The following COL17A1 variants were observed in gnomAD, a reference collection of about 807,000 sequenced individuals.
The protein encoded by COL17A1 is collagen type XVII alpha 1 chain.
A neutral mutation model predicts 218.4 loss-of-function variants in COL17A1; 181 were observed. That is an observed-to-expected ratio of 0.83 (90% CI 0.73 to 0.94). The LOEUF is 0.94. Ranked by LOEUF, COL17A1 falls within the 40% of genes least tolerant of loss-of-function variation. The pLI, the probability that COL17A1 is intolerant of heterozygous loss-of-function variation, is 0.00. For synonymous variants in COL17A1, 721 were observed against 731.0 expected (o/e 0.99, Z 0.22); for missense variants, 1,924 against 1,945.9 (o/e 0.99, Z 0.21).
chr10:104,042,587 G>T, intron 35 of COL17A1, 132 bp from the exon 36 acceptor site: 1 of 867,034 alleles, frequency 1.2e-6, no homozygotes, highest in Non-Finnish European at 1.9e-6. Flanking sequence ...AGAGCAATAA[G>T]CAATTCGAGA....
Position 104,054,105 on chromosome 10 carries a change from G to A in COL17A1, c.1758C>T (p.Phe586=). ...GSPGPKGDRG[F]PGTPGIPGPL... is the part of the protein sequence containing the mutation. ...GAGAGTACATACCTGGAGTCCCAGG[G>A]AACCCTCGATCTCCTGCAGGAACAA... Residue 586 remains phenylalanine, a synonymous_variant, in exon 21 of 56, where the codon TTC becomes TTT. Transcript: ENST00000648076. 2 of 1,610,842 alleles carry A rather than the reference G, an allele frequency of 1.2e-6. No individual in the cohort carries two copies. The highest frequency in any genetic ancestry group is 1.7e-6 in the Non-Finnish European group (2 of 1,178,538).
Position 104,055,906 on chromosome 10 carries a change from C to T in COL17A1, c.1563G>A (p.Lys521=), listed in dbSNP as rs1340357342. Residue 521 remains lysine (K), a synonymous_variant, in exon 18 of 56, where the codon AAG becomes AAA. Transcript: ENST00000648076. Reference sequence around the variant, plus strand: ...CGGGTGCCATGCCCTGGAGGCGGTCCTTTTCTATTCTATCCATGCTGTCCC... The same window carrying T: ...CGGGTGCCATGCCCTGGAGGCGGTCTTTTTCTATTCTATCCATGCTGTCCC... ...PYGDSMDRIE[K]DRLQGMAPAA... is the part of the protein sequence containing the mutation. 1 of 1,614,086 alleles carries T rather than the reference C, an allele frequency of 6.2e-7. No individual in the cohort carries two copies. The highest frequency in any genetic ancestry group is 2.2e-5 in the East Asian group (1 of 44,892).
At chr10:104,053,283 AC>A (rs2086488820) in intron 22 of COL17A1, 148 bp from the exon 23 acceptor site, 1 of 860,156 alleles carries the variant, frequency 1.2e-6, no homozygotes, top group Non-Finnish European at 1.9e-6. Flanking sequence ...CCTTGGCTCA[AC>A]CTGGAAGCCA....
intron 51 of COL17A1, 24 bp from the exon 52 acceptor site, chr10:104,034,358 G>A (rs1052194032): frequency 3.2e-6 from 5 of 1,539,584 alleles, no homozygotes; most frequent in Non-Finnish European, 4.4e-6. Flanking sequence ...AGCTGCATGA[G>A]TGGGAGCTCA....
intron 5 of COL17A1, among the ~76,000 whole-genome samples, chr10:104,075,830 A>C (rs2086705420): frequency 6.6e-6 from 1 of 152,182 alleles, no homozygotes; most frequent in African/African-American, 2.4e-5. Flanking sequence ...CCATCTCTCC[A>C]TCTTTGGGTA....
At chr10:104,050,592 T>A in intron 27 of COL17A1, 29 bp downstream of exon 27, 1 of 1,612,532 alleles carries the variant, frequency 6.2e-7, no homozygotes, top group Non-Finnish European at 8.5e-7. Context: ...CAGGCCCTGG[T>A]AATGACAGAG....
At chr10:104,033,106 A>G in intron 53 of COL17A1, 132 bp downstream of exon 53, 2 of 1,513,952 alleles carry the variant, frequency 1.3e-6, no homozygotes, top group East Asian at 2.4e-5. Flanking sequence ...CAGAATTTAT[A>G]GAATTTGTCT....
chr10:104,083,029 T>C (rs2086778344), intron 1 of COL17A1, among the ~76,000 whole-genome samples: 1 of 152,238 alleles, frequency 6.6e-6, no homozygotes, highest in South Asian at 2.1e-4. Context: ...AATGTCTGTG[T>C]GTTCCACAGC....
At chr10:104,070,312 C>T in intron 9 of COL17A1, 114 bp downstream of exon 9, 1 of 1,551,822 alleles carries the variant, frequency 6.4e-7, no homozygotes, top group Non-Finnish European at 8.7e-7. Flanking sequence ...ATTTGGTGGG[C>T]CCCAATTTCA....
Position 104,041,064 on chromosome 10 carries a change from C to A in COL17A1, c.2701+1G>T, listed in dbSNP as rs1442334401. 1 of 1,614,162 alleles carries A rather than the reference C, an allele frequency of 6.2e-7. No individual in the cohort carries two copies. The highest frequency in any genetic ancestry group is 2.2e-5 in the East Asian group (1 of 44,884). On this transcript the variant is annotated splice_donor_variant, in intron 39 of 55. Coordinates refer to ENST00000648076, the MANE Select transcript of COL17A1 (RefSeq NM_000494.4). LOFTEE classifies it high-confidence loss of function. ...GGTGCGACTTGACTCCCTGACATTA[C>A]CTGAGTTGGACAGGAACGATCCTGG...
intron 19 of COL17A1, 50 bp from the exon 20 acceptor site, chr10:104,055,057 G>T (rs1194140594): frequency 3.1e-6 from 5 of 1,612,518 alleles, no homozygotes; most frequent in Non-Finnish European, 4.2e-6. Context: ...GAACCCAAAG[G>T]CCATACTCTG....
Position 104,037,082 on chromosome 10 carries a change from G to A in COL17A1, c.3240C>T (p.Ser1080=), listed in dbSNP as rs1351687010. Residue 1080 remains serine (S), a synonymous_variant, in exon 47 of 56, where the codon TCC becomes TCT. Transcript: ENST00000648076. ...TSGYGVSLFS[S]SISSEDILAV... Reference sequence around the variant, plus strand: ...CCAGAATGTCTTCAGAAGAGATGGAGGACGAGAACAAGCTGACACCGTACC... The same window carrying A: ...CCAGAATGTCTTCAGAAGAGATGGAAGACGAGAACAAGCTGACACCGTACC... The A allele has an allele frequency of 6.2e-7, 1 of 1,608,034 alleles. No individual in the cohort carries two copies.
At chr10:104,042,006 G>A (rs576510894) in intron 36 of COL17A1, among the ~76,000 whole-genome samples, 116 of 152,298 alleles carry the variant, frequency 7.6e-4, no homozygotes, top group African/African-American at 2.6e-3. Context: ...GCGCTGGACC[G>A]GGTGGGCTGA....
At chr10:104,049,150 G>A (rs1226134382) in intron 29 of COL17A1, among the ~76,000 whole-genome samples, 1 of 152,148 alleles carries the variant, frequency 6.6e-6, no homozygotes, top group Non-Finnish European at 1.5e-5. Context: ...GGAGTGGGGA[G>A]CTCACAGGCA....
chr10:104,033,955 C>G lies in COL17A1; in HGVS notation c.4146G>C (p.Glu1382Asp), dbSNP rs1207523196. 16 of 1,614,198 alleles carry G rather than the reference C, an allele frequency of 9.9e-6. No individual in the cohort carries two copies. In the East Asian group the frequency reaches 1.3e-4, roughly 13 times the overall value. The change falls in exon 52 of 56, where the codon GAG (glutamate) becomes GAC (aspartate). Residue 1382 changes from glutamate to aspartate, a missense_variant. Coordinates refer to ENST00000648076, the MANE Select transcript of COL17A1 (RefSeq NM_000494.4). Reference sequence around the variant, plus strand: ...AATGTCCCCACTTACGCTGCATGCTCTCTGACACCCTCACAGCCAGCTCAT... The same window carrying G: ...AATGTCCCCACTTACGCTGCATGCTGTCTGACACCCTCACAGCCAGCTCAT... ...DYNELAVRVS[E>D]SMQRQGLLQG...
intron 29 of COL17A1, 185 bp from the exon 30 acceptor site, chr10:104,048,289 A>T: frequency 1.3e-6 from 1 of 761,672 alleles, no homozygotes; most frequent in Non-Finnish European, 2.4e-6. Context: ...CTCCTAAACC[A>T]GCAATTGTCT....
chr10:104,063,624 C>A (rs944193051), intron 11 of COL17A1, 123 bp downstream of exon 11: 1 of 1,457,436 alleles, frequency 6.9e-7, no homozygotes, highest in Non-Finnish European at 9.4e-7. Flanking sequence ...TCTGTGCAAC[C>A]CTGTGCCTCT....
At chr10:104,080,489 A>T (rs2086755355) in intron 2 of COL17A1, 133 bp downstream of exon 2, 1 of 1,020,184 alleles carries the variant, frequency 9.8e-7, no homozygotes, top group South Asian at 1.5e-5. Flanking sequence ...GAAGGATTAA[A>T]GTCCATTTAG....
rs754711802 is a variant in COL17A1 at position 104,045,781 on chromosome 10, G to A, written c.2375C>T (p.Thr792Ile). 2 of 1,612,714 alleles carry A rather than the reference G, an allele frequency of 1.2e-6. No homozygotes were observed. Among genetic ancestry groups the A allele is most frequent in the South Asian group, 1.1e-5 (1 of 91,052 alleles). ...ACCTTTTATTCCTGGTCGGCCAGGGGTACCGGGAAGTCCTGATGTGATTAG... is the reference window on the plus strand; with the variant it reads ...ACCTTTTATTCCTGGTCGGCCAGGGATACCGGGAAGTCCTGATGTGATTAG... ...GPQGPQGLPG[T>I]PGRPGIKGEP... is the part of the protein sequence containing the mutation. The change falls in exon 33 of 56, where the codon ACC becomes ATC. Residue 792 changes from threonine (T) to isoleucine (I), a missense_variant. Transcript: ENST00000648076.
Sources: gnomAD v4.1 joint callset for allele counts (sites outside exome capture counted in the v4.1 genomes callset) on GRCh38, gnomAD v4.1.1 for gene constraint, MANE v1.5 for transcripts, NCBI Gene and HGNC (gene_info 2026-07-23, HGNC 2026-07-21) for gene names.